Variants in WDR88 observed in about 807,000 individuals in gnomAD.
WDR88 encodes the protein WD repeat domain 88.
A neutral mutation model predicts 46.8 loss-of-function variants in WDR88; 40 were observed. The ratio of observed to expected loss-of-function variants is 0.86; its 90% CI spans 0.66 to 1.11. The LOEUF is 1.11. WDR88 is among the 50% of genes most tolerant of loss of function. The pLI is 0.00. For synonymous variants in WDR88, 235 were observed against 240.7 expected (o/e 0.98, Z 0.22); for missense variants, 562 against 602.4 (o/e 0.93, Z 0.70).
At chr19:33,173,286 C>T (rs542788629) in intron 10 of WDR88, among the ~76,000 whole-genome samples, 56 of 152,182 alleles carry the variant, frequency 3.7e-4, no homozygotes, top group African/African-American at 1.2e-3. Flanking sequence ...CTGGGCACTG[C>T]GTCAGCCTCC....
intron 1 of WDR88, 27 bp downstream of exon 1, chr19:33,132,472 G>T (rs200417850): frequency 2.5e-6 from 4 of 1,609,634 alleles, no homozygotes; most frequent in Non-Finnish European, 3.4e-6. Flanking sequence ...GGGTGAGGGG[G>T]CACTGGCCTG....
intron 7 of WDR88, among the ~76,000 whole-genome samples, chr19:33,157,663 A>ATGTG (rs3033603): frequency 1.2e-5 from 1 of 85,646 alleles, no homozygotes; most frequent in Non-Finnish European, 1.9e-5. Context: ...GTATATATGT[A>ATGTG]TGTATGTGTG....
intron 1 of WDR88, among the ~76,000 whole-genome samples, chr19:33,136,921 C>A (rs779885950): frequency 6.7e-6 from 1 of 149,918 alleles, no homozygotes; most frequent in African/African-American, 2.5e-5. Flanking sequence ...ATCCTTTGCC[C>A]ATTTAAAATT....
chr19:33,167,810 G>T (rs1174586554), intron 9 of WDR88, among the ~76,000 whole-genome samples: 2 of 148,510 alleles, frequency 1.3e-5, no homozygotes, highest in Admixed American at 6.8e-5. Context: ...TTTCTTTCTA[G>T]GGTCTCATTC....
intron 8 of WDR88, among the ~76,000 whole-genome samples, chr19:33,162,995 C>T (rs1021507764): frequency 2.4e-4 from 36 of 151,864 alleles, no homozygotes; most frequent in Non-Finnish European, 3.7e-4. Flanking sequence ...GTCAGGAGTT[C>T]GAGACCAGCC....
chr19:33,165,351 C>T (rs574287499), intron 9 of WDR88, among the ~76,000 whole-genome samples: 22 of 150,838 alleles, frequency 1.5e-4, no homozygotes, highest in African/African-American at 3.6e-4. Flanking sequence ...GGAATACAAA[C>T]ATATCAGAAA....
intron 2 of WDR88, among the ~76,000 whole-genome samples, chr19:33,138,321 G>A (rs1224843176): frequency 2.6e-5 from 4 of 152,020 alleles, no homozygotes; most frequent in African/African-American, 9.7e-5. Context: ...CGAAGTGCTG[G>A]GAATATAGGC....
chr19:33,138,356 T>C (rs1481464481), intron 2 of WDR88, among the ~76,000 whole-genome samples: 1 of 113,242 alleles, frequency 8.8e-6, no homozygotes, highest in African/African-American at 3.2e-5. Context: ...CTGGCCCTTT[T>C]GTTTGTTTGT....
intron 1 of WDR88, 74 bp from the exon 2 acceptor site, chr19:33,137,599 TAGAA>T (rs776378266): frequency 1.3e-4 from 172 of 1,315,984 alleles, no homozygotes; most frequent in Middle Eastern, 2.0e-4. Flanking sequence ...TGCAAGTGTT[TAGAA>T]ATATAATTAA....
intron 9 of WDR88, among the ~76,000 whole-genome samples, chr19:33,169,829 T>G (rs985691530): frequency 6.6e-6 from 1 of 152,330 alleles, no homozygotes; most frequent in Non-Finnish European, 1.5e-5. Context: ...GCACTATAAA[T>G]TCACGGTATA....
rs764019263 is a variant in WDR88, at chr19:33,172,353, G to C, written c.1155G>C (p.Arg385Ser). 3.7e-6 allele frequency: 6 copies of C among 1,613,404 alleles called. No homozygotes were observed. The Admixed American group carries it at 6.7e-5, about 18-fold the overall frequency. ...KKWILSASKD[R>S]TMRLWNIEEI... ...TGGTTTGCTATTTGTTTTAGGATAG[G>C]ACCATGAGACTGTGGAATATTGAAG... The change falls in exon 10 of 11, where the codon AGG (arginine) becomes AGC (serine). Residue 385 changes from arginine (R) to serine (S), a missense_variant. Transcript: ENST00000355868.
At position 33,137,541 on chromosome 19, in the gene WDR88, C is replaced by T. The variant is rs890295854; in HGVS notation, c.277-136C>T. ...GTGCTGGGATTACAGACGTGAACCA[C>T]CCCCCTGGCCAGAATTTTTTAAATT... is the stretch of plus-strand genomic sequence containing the variant. On this transcript the variant is annotated intron_variant, in intron 1 of 10. Coordinates refer to ENST00000355868, the MANE Select transcript of WDR88 (RefSeq NM_173479.4). 1.1e-5 allele frequency: 8 copies of T among 713,788 alleles called. No individual in the cohort carries two copies. In the African/African-American group the frequency reaches 1.5e-4, roughly 13 times the overall value. 44.2% of individuals were successfully genotyped at this position (713,788 alleles called of 1,614,324 possible). A position where few individuals can be genotyped will look rare whatever the true frequency, so the allele number is the denominator to read the frequency against.
intron 3 of WDR88, among the ~76,000 whole-genome samples, chr19:33,145,383 G>T (rs1446561734): frequency 1.3e-5 from 2 of 151,700 alleles, no homozygotes; most frequent in Non-Finnish European, 2.9e-5. Flanking sequence ...AAACTCCTAG[G>T]CTCAAACAAT....
chr19:33,149,360 CAAAA>C (rs932059477), intron 5 of WDR88, among the ~76,000 whole-genome samples: 10 of 152,016 alleles, frequency 6.6e-5, no homozygotes, highest in Non-Finnish European at 1.3e-4. Flanking sequence ...AACAAACAAA[CAAAA>C]AAACACACCA....
At chr19:33,152,438 G>A (rs911328436) in intron 6 of WDR88, among the ~76,000 whole-genome samples, 2 of 151,848 alleles carry the variant, frequency 1.3e-5, no homozygotes, top group African/African-American at 4.8e-5. Flanking sequence ...CCAGCCCTGG[G>A]TAATGTTTAT....
intron 1 of WDR88, among the ~76,000 whole-genome samples, chr19:33,133,014 C>T (rs1027993170): frequency 6.6e-6 from 1 of 151,622 alleles, no homozygotes; most frequent in Non-Finnish European, 1.5e-5. Context: ...AAACTTAGCC[C>T]AGTGTGATGG....
intron 7 of WDR88, among the ~76,000 whole-genome samples, chr19:33,157,673 GTGTGTGTA>G (rs1973775375): frequency 8.9e-4 from 1 of 1,126 alleles, no homozygotes; most frequent in East Asian, 7.4e-3. Context: ...ATGTATGTGT[GTGTGTGTA>G]TGTATGTATA....
At chr19:33,157,401 G>A (rs1231387350) in intron 7 of WDR88, among the ~76,000 whole-genome samples, 1 of 150,586 alleles carries the variant, frequency 6.6e-6, no homozygotes, top group Non-Finnish European at 1.5e-5. Flanking sequence ...GGGAGCCTCA[G>A]GCAGGAGAAT....
At chr19:33,168,029 TTTC>T (rs1973982201) in intron 9 of WDR88, among the ~76,000 whole-genome samples, 1 of 142,802 alleles carries the variant, frequency 7.0e-6, no homozygotes, top group African/African-American at 2.6e-5. Flanking sequence ...AAATGATTTC[TTTC>T]TTTTTTTTTT....
Sources: gnomAD v4.1 joint callset for allele counts (sites outside exome capture counted in the v4.1 genomes callset) on GRCh38, gnomAD v4.1.1 for gene constraint, MANE v1.5 for transcripts, NCBI Gene and HGNC (gene_info 2026-07-23, HGNC 2026-07-21) for gene names.